PDCD6IP: variants seen among roughly 807,000 people sequenced by gnomAD.
The protein encoded by PDCD6IP is programmed cell death 6 interacting protein.
In PDCD6IP, 43 loss-of-function variants were observed where a neutral mutation model predicts 103.7. The observed-to-expected ratio is 0.41, with a 90% CI of 0.32 to 0.53. The LOEUF (loss-of-function observed/expected upper bound fraction) is 0.53. Among genes scored for constraint, PDCD6IP ranks in the 20% least tolerant of loss-of-function variants. PDCD6IP has a pLI of 0.16. For missense variants in PDCD6IP, 871 were observed against 1,036.7 expected, an observed-to-expected ratio of 0.84 and a Z score of 2.20; for synonymous variants, 354 against 378.7, an observed-to-expected ratio of 0.93 and a Z score of 0.76.
intron 13 of PDCD6IP, among the ~76,000 whole-genome samples, 164 bp from the exon 14 acceptor site, chr3:33,853,715 T>TTACTTAAG (rs1697767875): frequency 6.6e-6 from 1 of 152,184 alleles, no homozygotes; most frequent in African/African-American, 2.4e-5. Context: ...AAGAAAGATT[T>TTACTTAAG]AAAGCATAAT....
chr3:33,863,243 A>G (rs1352589323), intron 15 of PDCD6IP, among the ~76,000 whole-genome samples: 6 of 152,246 alleles, frequency 3.9e-5, no homozygotes, highest in Admixed American at 3.9e-4. Context: ...CAAGGCAATT[A>G]GGATATTCAT....
At chr3:33,833,711 G>A (rs1322476757) in intron 7 of PDCD6IP, among the ~76,000 whole-genome samples, 2 of 152,048 alleles carry the variant, frequency 1.3e-5, no homozygotes, top group African/African-American at 4.8e-5. Flanking sequence ...TATTTCTTTG[G>A]TGAGCTTTCA....
chr3:33,821,806 T>C (rs948387714), intron 3 of PDCD6IP, 149 bp from the exon 4 acceptor site: 4 of 644,962 alleles, frequency 6.2e-6, no homozygotes, highest in African/African-American at 3.7e-5. Context: ...GCTTGAAATA[T>C]GGGAGCATAT....
chr3:33,865,168 C>A, intron 16 of PDCD6IP, 75 bp from the exon 17 acceptor site: 1 of 1,025,728 alleles, frequency 9.7e-7, no homozygotes, highest in Non-Finnish European at 1.4e-6. Flanking sequence ...CTCATATGTC[C>A]TTATTAATTT....
intron 1 of PDCD6IP, chr3:33,799,487 G>A (rs1362069669): frequency 6.6e-6 from 1 of 152,522 alleles, no homozygotes; most frequent in Non-Finnish European, 1.5e-5. Context: ...TGAAAGTTAG[G>A]AGCTACAACT....
At chr3:33,843,660 A>G (rs1008955604) in intron 10 of PDCD6IP, among the ~76,000 whole-genome samples, 3 of 152,128 alleles carry the variant, frequency 2.0e-5, no homozygotes, top group Non-Finnish European at 4.4e-5. Flanking sequence ...CTGGCCCCCT[A>G]CTATCCTGTC....
chr3:33,825,269 A>G lies in PDCD6IP; in HGVS notation c.545A>G (p.Asp182Gly), dbSNP rs1282192524. 6.2e-7 allele frequency: 1 copy of G among 1,613,764 alleles called. No individual in the cohort carries two copies. The highest frequency in any genetic ancestry group is 8.5e-7 in the Non-Finnish European group (1 of 1,179,870). ...SREPTVDISP[D>G]TVGTLSLIML... ...GAGCCGACCGTGGACATATCTCCAGATACTGTTGGGACCCTCAGTCTTATT... is the reference window on the plus strand; with the variant it reads ...GAGCCGACCGTGGACATATCTCCAGGTACTGTTGGGACCCTCAGTCTTATT... The change falls in exon 5 of 18, where the codon GAT (aspartate) becomes GGT (glycine). Residue 182 changes from aspartate (D) to glycine (G), a missense_variant. Physicochemically the swap from Asp to Gly is moderately conservative, Grantham distance 94 (BLOSUM62 -1). Around this residue, in one of 5 missense-constraint regions of PDCD6IP, gnomAD observed 242 missense variants for 250.7 expected, o/e 0.97. Transcript: ENST00000307296.
intron 6 of PDCD6IP, 200 bp downstream of exon 6, chr3:33,826,780 G>T: frequency 7.6e-7 from 1 of 1,314,628 alleles, no homozygotes; most frequent in Non-Finnish European, 9.7e-7. Context: ...GGATGCCTTT[G>T]TCTTTACCTT....
intron 15 of PDCD6IP, among the ~76,000 whole-genome samples, chr3:33,856,126 ACT>A (rs886649959): frequency 6.6e-6 from 1 of 151,940 alleles, no homozygotes; most frequent in Admixed American, 6.6e-5. Flanking sequence ...TCCTTATGAG[ACT>A]CTGACTAATG....
Position 33,799,040 on chromosome 3 carries a change from G to T in PDCD6IP, c.209+103G>T, listed in dbSNP as rs996430169. 5 of 1,140,330 alleles carry T rather than the reference G, an allele frequency of 4.4e-6. No homozygotes were observed. In the East Asian group the frequency reaches 1.3e-4, roughly 30 times the overall value. 70.6% of individuals were successfully genotyped at this position (1,140,330 alleles called of 1,614,324 possible). On this transcript the variant is annotated intron_variant, in intron 1 of 17. Transcript: ENST00000307296. ...TCAATCCTGTAACCTGGGCGGAGCC[G>T]CCCCGTCCCGGCCTGACCAGGCGCG...
chr3:33,844,869 A>G (rs1207277767), intron 11 of PDCD6IP, among the ~76,000 whole-genome samples: 4 of 149,168 alleles, frequency 2.7e-5, no homozygotes, highest in African/African-American at 9.8e-5. Flanking sequence ...CTGGGTGGTA[A>G]AAAAAAAAAT....
At chr3:33,823,510 G>A (rs537150924) in intron 4 of PDCD6IP, among the ~76,000 whole-genome samples, 2 of 152,184 alleles carry the variant, frequency 1.3e-5, no homozygotes, top group African/African-American at 2.4e-5. Context: ...CGAGCTGGGC[G>A]TGGTGGCTCA....
intron 7 of PDCD6IP, among the ~76,000 whole-genome samples, chr3:33,830,225 G>C (rs956335807): frequency 6.6e-6 from 1 of 152,144 alleles, no homozygotes; most frequent in Admixed American, 6.5e-5. Context: ...AAAAAAGTCA[G>C]ACCCAGATGT....
chr3:33,841,163 G>A (rs572613621), intron 9 of PDCD6IP, among the ~76,000 whole-genome samples: 1 of 151,858 alleles, frequency 6.6e-6, no homozygotes, highest in South Asian at 2.1e-4. Flanking sequence ...AAGTAGCTGG[G>A]ATTATAGGTG....
chr3:33,800,759 A>T (rs1347862115), intron 1 of PDCD6IP, among the ~76,000 whole-genome samples: 1 of 152,210 alleles, frequency 6.6e-6, no homozygotes, highest in Admixed American at 6.5e-5. Flanking sequence ...TAGTTGTGGT[A>T]TAATGAGCCC....
At chr3:33,817,776 A>T (rs534422029) in intron 3 of PDCD6IP, among the ~76,000 whole-genome samples, 7 of 152,066 alleles carry the variant, frequency 4.6e-5, no homozygotes, top group Non-Finnish European at 1.0e-4. Flanking sequence ...AAGATAAAAG[A>T]AAAACTTAAA....
chr3:33,814,653 TTATA>T (rs1696798863), intron 3 of PDCD6IP, among the ~76,000 whole-genome samples: 1 of 146,426 alleles, frequency 6.8e-6, no homozygotes, highest in South Asian at 2.1e-4. Flanking sequence ...ATAATGTGTA[TTATA>T]TATGCATGTA....
At chr3:33,813,653 T>C in intron 3 of PDCD6IP, 25 bp downstream of exon 3, 1 of 1,370,216 alleles carries the variant, frequency 7.3e-7, no homozygotes, top group Non-Finnish European at 1.0e-6. Context: ...ATAAAAGTGA[T>C]AGGAAAATTG....
chr3:33,799,043 C>G (rs1286388993), intron 1 of PDCD6IP, 106 bp downstream of exon 1: 3 of 1,101,394 alleles, frequency 2.7e-6, no homozygotes, highest in South Asian at 3.2e-5. Flanking sequence ...CGGAGCCGCC[C>G]CGTCCCGGCC....
Sources: gnomAD v4.1 joint callset for allele counts (sites outside exome capture counted in the v4.1 genomes callset) on GRCh38, gnomAD v4.1.1 for gene constraint, gnomAD v4.1.1 regional missense constraint, MANE v1.5 for transcripts, NCBI Gene and HGNC (gene_info 2026-07-23, HGNC 2026-07-21) for gene names.